The following SPOCK3 variants were observed in gnomAD, a reference collection of about 807,000 sequenced individuals.
SPOCK3 encodes the protein testican-3.
Under a neutral mutation model 56.6 loss-of-function variants are expected in SPOCK3, and 30 were observed. The observed-to-expected ratio is 0.53, with a 90% CI of 0.40 to 0.72. The LOEUF (loss-of-function observed/expected upper bound fraction) is 0.72, where lower values mean the gene tolerates loss of function less well. Ranked by LOEUF, SPOCK3 falls within the 30% of genes least tolerant of loss-of-function variation. SPOCK3 has a pLI of 0.00. For synonymous variants in SPOCK3, 196 were observed against 183.3 expected (o/e 1.07, Z -0.56); for missense variants, 527 against 530.0 (o/e 0.99, Z 0.06).
At chr4:166,989,296 C>T (rs1272065491) in intron 4 of SPOCK3, among the ~76,000 whole-genome samples, 1 of 151,926 alleles carries the variant, frequency 6.6e-6, no homozygotes, top group Non-Finnish European at 1.5e-5. Context: ...GTGTGGCTGT[C>T]TTTATATCAC....
At chr4:167,146,045 T>G (rs951910547) in intron 2 of SPOCK3, among the ~76,000 whole-genome samples, 17 of 152,072 alleles carry the variant, frequency 1.1e-4, no homozygotes, top group Non-Finnish European at 2.5e-4. Flanking sequence ...GACCTATCAG[T>G]GTGCTTTATT....
intron 2 of SPOCK3, among the ~76,000 whole-genome samples, chr4:167,178,832 T>C (rs529394994): frequency 6.6e-6 from 1 of 152,206 alleles, no homozygotes; most frequent in South Asian, 2.1e-4. Flanking sequence ...ATAATTAAAA[T>C]AAAATACATG....
intron 4 of SPOCK3, among the ~76,000 whole-genome samples, chr4:166,990,965 T>C (rs1469278341): frequency 1.3e-5 from 2 of 152,178 alleles, no homozygotes; most frequent in Non-Finnish European, 2.9e-5. Flanking sequence ...CTATAGCACC[T>C]GTCCATCAAG....
At chr4:166,896,989 TC>T (rs1735457368) in intron 5 of SPOCK3, among the ~76,000 whole-genome samples, 1 of 151,836 alleles carries the variant, frequency 6.6e-6, no homozygotes, top group Non-Finnish European at 1.5e-5. Context: ...AACTTTTTTT[TC>T]CCCCATAGCT....
rs530575871 is a variant in SPOCK3 at position 167,218,467 on chromosome 4, G to T, written c.189+15518C>A. On this transcript the variant is annotated intron_variant, in intron 2 of 10. Coordinates refer to ENST00000357545, the MANE Select transcript of SPOCK3 (RefSeq NM_001040159.2). Reference sequence around the variant, plus strand: ...CCCAAGAATAAACATAAGACTTCTTGTAGCAAAGCCAGGTAGCTTTCAGTG... The same window carrying T: ...CCCAAGAATAAACATAAGACTTCTTTTAGCAAAGCCAGGTAGCTTTCAGTG... Among the ~76,000 whole-genome samples, 13 of 152,230 alleles carry T rather than the reference G, an allele frequency of 8.5e-5. No homozygotes were observed. The South Asian group carries it at 2.7e-3, about 32-fold the overall frequency.
chr4:166,772,745 A>T (rs569023367), intron 7 of SPOCK3, among the ~76,000 whole-genome samples: 1 of 152,208 alleles, frequency 6.6e-6, no homozygotes, highest in East Asian at 1.9e-4. Context: ...TTGAATTCAG[A>T]TTCCTAGATA....
At chr4:166,884,730 A>T (rs188870663) in intron 6 of SPOCK3, among the ~76,000 whole-genome samples, 9 of 152,210 alleles carry the variant, frequency 5.9e-5, no homozygotes, top group African/African-American at 2.2e-4. Flanking sequence ...AAGAAATGAG[A>T]CTCATAAACT....
At chr4:167,025,585 A>C (rs1751625047) in intron 3 of SPOCK3, among the ~76,000 whole-genome samples, 1 of 152,002 alleles carries the variant, frequency 6.6e-6, no homozygotes, top group African/African-American at 2.4e-5. Flanking sequence ...GTGAGAACCA[A>C]AAGCAGGATT....
At chr4:167,123,983 G>A (rs564174159) in intron 2 of SPOCK3, among the ~76,000 whole-genome samples, 1 of 151,942 alleles carries the variant, frequency 6.6e-6, no homozygotes, top group Non-Finnish European at 1.5e-5. Flanking sequence ...CTGACCTCGT[G>A]ATCTGCCTGC....
intron 2 of SPOCK3, among the ~76,000 whole-genome samples, chr4:167,101,469 T>C (rs536858365): frequency 6.6e-6 from 1 of 152,224 alleles, no homozygotes; most frequent in South Asian, 2.1e-4. Context: ...CTGCTTGTCC[T>C]CTTCTTCAAT....
intron 2 of SPOCK3, among the ~76,000 whole-genome samples, chr4:167,101,626 C>T (rs1008402395): frequency 2.0e-5 from 3 of 152,014 alleles, no homozygotes; most frequent in African/African-American, 7.2e-5. Flanking sequence ...CCAACCACTA[C>T]TCCTATCTCT....
intron 7 of SPOCK3, among the ~76,000 whole-genome samples, chr4:166,784,245 A>G (rs1350568957): frequency 6.6e-6 from 1 of 152,152 alleles, no homozygotes; most frequent in African/African-American, 2.4e-5. Flanking sequence ...CAATGCAGTA[A>G]TTTCTCAGGA....
chr4:166,815,496 A>T (rs1032827700), intron 6 of SPOCK3, among the ~76,000 whole-genome samples: 5 of 152,106 alleles, frequency 3.3e-5, no homozygotes, highest in African/African-American at 1.2e-4. Context: ...TATTTTTAGG[A>T]TTTAACACAT....
chr4:166,749,446 T>C (rs1053404117), intron 8 of SPOCK3, among the ~76,000 whole-genome samples: 1 of 151,612 alleles, frequency 6.6e-6, no homozygotes, highest in Non-Finnish European at 1.5e-5. Context: ...ATGAGAACAC[T>C]TGGACACAGG....
At position 166,734,232 on chromosome 4, in the gene SPOCK3, G is replaced by T. The variant is rs954439412; in HGVS notation, c.*689C>A. ...AGAATCTTTTAAAAAATCTGCATGA[G>T]ACTGCCATCCAAATTAAAATACACA... On this transcript the variant is annotated 3_prime_UTR_variant, in exon 11 of 11. Transcript: ENST00000357545. 1 of 151,752 alleles carries T rather than the reference G, an allele frequency of 6.6e-6. No homozygotes were observed. Among genetic ancestry groups the T allele is most frequent in the Non-Finnish European group, 1.5e-5 (1 of 67,798 alleles). 9.4% of individuals were successfully genotyped at this position (151,752 alleles called of 1,614,324 possible). A position where few individuals can be genotyped will look rare whatever the true frequency, so the allele number is the denominator to read the frequency against.
chr4:166,865,759 C>T (rs1731760132), intron 6 of SPOCK3, among the ~76,000 whole-genome samples: 1 of 151,994 alleles, frequency 6.6e-6, no homozygotes, highest in Non-Finnish European at 1.5e-5. Flanking sequence ...AACTACAAAC[C>T]ACAGCTCAAG....
chr4:166,809,165 T>C (rs1743501700), intron 6 of SPOCK3, among the ~76,000 whole-genome samples: 1 of 151,988 alleles, frequency 6.6e-6, no homozygotes, highest in Non-Finnish European at 1.5e-5. Context: ...AGAAAACTAA[T>C]GTGCTCAATA....
At chr4:167,206,975 C>A (rs551393086) in intron 2 of SPOCK3, among the ~76,000 whole-genome samples, 1 of 151,878 alleles carries the variant, frequency 6.6e-6, no homozygotes. Context: ...ACAAAAAAAA[C>A]GATAAATGTT....
chr4:166,778,284 A>G (rs1739788143), intron 7 of SPOCK3, among the ~76,000 whole-genome samples: 1 of 152,196 alleles, frequency 6.6e-6, no homozygotes, highest in South Asian at 2.1e-4. Flanking sequence ...ACATTTCCCA[A>G]TCTTATGAAC....
Sources: allele counts gnomAD v4.1 joint callset (sites outside exome capture counted in the v4.1 genomes callset), GRCh38; gene constraint gnomAD v4.1.1; transcripts MANE v1.5; gene names NCBI Gene and HGNC (gene_info 2026-07-23, HGNC 2026-07-21).